USP32: variants seen among roughly 807,000 people sequenced by gnomAD.
USP32 encodes the protein ubiquitin carboxyl-terminal hydrolase 32.
A neutral mutation model predicts 204.8 loss-of-function variants in USP32; 59 were observed. The ratio of observed to expected loss-of-function variants is 0.29; its 90% CI spans 0.23 to 0.36. USP32 has a LOEUF of 0.36. USP32 is among the 10% of genes least tolerant of loss of function. The probability of loss-of-function intolerance (pLI) is 1.00; values close to 1 mark genes in which losing one functional copy is unlikely to be tolerated. For missense variants in USP32, 1,160 were observed against 1,946.4 expected, an observed-to-expected ratio of 0.60 and a Z score of 7.60; for synonymous variants, 517 against 678.4, an observed-to-expected ratio of 0.76 and a Z score of 3.70.
At chr17:60,310,634 G>C (rs2145916802) in intron 2 of USP32, among the ~76,000 whole-genome samples, 1 of 152,280 alleles carries the variant, frequency 6.6e-6, no homozygotes, top group African/African-American at 2.4e-5. Context: ...GGGAGGCGGA[G>C]GTTGCAGTGA....
intron 1 of USP32, among the ~76,000 whole-genome samples, chr17:60,407,688 A>G (rs1378862554): frequency 6.6e-6 from 1 of 150,820 alleles, no homozygotes; most frequent in Admixed American, 6.6e-5. Context: ...AGGCTGAGGC[A>G]GAAGAATTGC....
In USP32 at chr17:60,213,650, G is replaced by C; in HGVS notation, c.2035C>G (p.Leu679Val). ...WLYNSENYLT[L>V]LDDEDHKLEY... ...AATTTATGATCCTCATCATCCAGAA[G>C]AGTAAGGTAGTTCTGTGTAAGGAGG... The change falls in exon 18 of 34, where the codon CTT becomes GTT. Residue 679 changes from leucine (L) to valine (V), a missense_variant. Leu to Val is a conservative substitution (Grantham distance 32, BLOSUM62 1). This residue lies in a region of USP32 where 132 missense variants were observed against 432.8 expected (regional missense o/e 0.30). Transcript: ENST00000300896. 4 of 1,291,228 alleles carry C rather than the reference G, an allele frequency of 3.1e-6. No homozygotes were observed. Among genetic ancestry groups the C allele is most frequent in the Non-Finnish European group, 4.2e-6 (4 of 949,016 alleles). 80.0% of individuals were successfully genotyped at this position (1,291,228 alleles called of 1,614,324 possible). A position where few individuals can be genotyped will look rare whatever the true frequency, so the allele number is the denominator to read the frequency against.
At chr17:60,298,858 C>T (rs1219712043) in intron 3 of USP32, among the ~76,000 whole-genome samples, 1 of 152,156 alleles carries the variant, frequency 6.6e-6, no homozygotes, top group African/African-American at 2.4e-5. Context: ...TATGCTAGCT[C>T]ATGTTTGTAA....
At chr17:60,422,259 G>A (rs1209974063) in exon 1 of USP32, 1 of 370,394 alleles carries the variant, frequency 2.7e-6, no homozygotes, top group Non-Finnish European at 4.9e-6. Flanking sequence ...GTGGTGTCAG[G>A]ATCAGCATCT....
intron 2 of USP32, among the ~76,000 whole-genome samples, chr17:60,311,111 C>T (rs942046225): frequency 6.6e-6 from 1 of 151,984 alleles, no homozygotes; most frequent in Non-Finnish European, 1.5e-5. Flanking sequence ...ATCTAGTGTA[C>T]ATTTCAAAAT....
chr17:60,220,623 A>G (rs2085218571), intron 15 of USP32, among the ~76,000 whole-genome samples: 1 of 151,966 alleles, frequency 6.6e-6, no homozygotes, highest in African/African-American at 2.4e-5. Flanking sequence ...TTCTAAAAGG[A>G]TAGCAGGGTT....
At chr17:60,410,567 C>T (rs1022895610) in intron 1 of USP32, among the ~76,000 whole-genome samples, 1 of 152,054 alleles carries the variant, frequency 6.6e-6, no homozygotes, top group Non-Finnish European at 1.5e-5. Flanking sequence ...ACTCAGGAGG[C>T]TGAGGCAGGA....
chr17:60,395,910 A>C (rs951059364), upstream of USP32, among the ~76,000 whole-genome samples: 4 of 152,156 alleles, frequency 2.6e-5, no homozygotes, highest in African/African-American at 9.7e-5. Context: ...ATAGAAGTGG[A>C]AAAGCACCTA....
intron 7 of USP32, among the ~76,000 whole-genome samples, chr17:60,266,888 T>G (rs889259100): frequency 6.6e-6 from 1 of 151,788 alleles, no homozygotes; most frequent in African/African-American, 2.4e-5. Flanking sequence ...TCTCCTGACC[T>G]TGTGATCAGC....
chr17:60,356,322 G>C (rs1179547770), intron 1 of USP32, among the ~76,000 whole-genome samples: 5 of 152,178 alleles, frequency 3.3e-5, no homozygotes, highest in Non-Finnish European at 7.4e-5. Flanking sequence ...GAAAGGCTCT[G>C]ACATATTCCT....
chr17:60,283,250 T>C (rs1396452175), intron 5 of USP32, among the ~76,000 whole-genome samples: 1 of 152,174 alleles, frequency 6.6e-6, no homozygotes, highest in African/African-American at 2.4e-5. Flanking sequence ...TCACGGTATA[T>C]TGACCAGTGC....
intron 31 of USP32, among the ~76,000 whole-genome samples, chr17:60,182,766 C>T (rs1263783912): frequency 2.0e-5 from 3 of 151,146 alleles, no homozygotes; most frequent in East Asian, 3.9e-4. Context: ...GAGACCCTGT[C>T]TCAAAAAAAT....
At chr17:60,398,892 G>C (rs2089916829) in intron 1 of USP32, among the ~76,000 whole-genome samples, 1 of 152,064 alleles carries the variant, frequency 6.6e-6, no homozygotes, top group South Asian at 2.1e-4. Context: ...AAACTGGGGA[G>C]AGCACTTGAA....
chr17:60,396,129 G>C (rs911643750), upstream of USP32, among the ~76,000 whole-genome samples: 3 of 138,396 alleles, frequency 2.2e-5, no homozygotes, highest in Non-Finnish European at 4.5e-5. Flanking sequence ...CCAAGCTGGA[G>C]TGCAGTAGCA....
intron 9 of USP32, chr17:60,256,703 C>T: frequency 8.9e-7 from 1 of 1,126,454 alleles, no homozygotes; most frequent in African/African-American, 1.7e-5. Context: ...AAAGGAACAT[C>T]AATGCCTGCA....
At chr17:60,198,612 G>A (rs1020647568) in intron 26 of USP32, among the ~76,000 whole-genome samples, 168 bp from the exon 27 acceptor site, 4 of 152,142 alleles carry the variant, frequency 2.6e-5, no homozygotes, top group African/African-American at 9.7e-5. Context: ...CAAAGAGAAC[G>A]GTTACAGTGG....
intron 14 of USP32, among the ~76,000 whole-genome samples, chr17:60,222,883 T>A (rs1298159136): frequency 8.5e-5 from 13 of 152,120 alleles, no homozygotes; most frequent in Admixed American, 7.9e-4. Flanking sequence ...GGTTTCACCA[T>A]GTTGGCCAGG....
At chr17:60,393,578 C>T (rs1197481986), upstream of USP32, among the ~76,000 whole-genome samples, 1 of 152,096 alleles carries the variant, frequency 6.6e-6, no homozygotes, top group Non-Finnish European at 1.5e-5. Context: ...TTAGATTGGA[C>T]CCAAGGTGCC....
At chr17:60,421,731 A>G (rs1257272004) in intron 1 of USP32, 30 of 789,442 alleles carry the variant, frequency 3.8e-5, no homozygotes, top group Non-Finnish European at 4.1e-5. Flanking sequence ...CTCAGACTAC[A>G]CCCGGACTCT....
Sources: gnomAD v4.1 joint callset for allele counts (sites outside exome capture counted in the v4.1 genomes callset) on GRCh38, gnomAD v4.1.1 for gene constraint, gnomAD v4.1.1 regional missense constraint, MANE v1.5 for transcripts, NCBI Gene and HGNC (gene_info 2026-07-23, HGNC 2026-07-21) for gene names.